The following PRLR variants were observed in gnomAD, a reference collection of about 807,000 sequenced individuals.
PRLR encodes the protein prolactin receptor, also known as hPRL receptor.
PRLR carries 13 observed loss-of-function variants against 40.2 expected under a neutral mutation model. That is an observed-to-expected ratio of 0.32 (90% confidence interval 0.21 to 0.51). The LOEUF (loss-of-function observed/expected upper bound fraction) is 0.51. Ranked by LOEUF, PRLR falls within the 20% of genes least tolerant of loss-of-function variation. The pLI, the probability that PRLR is intolerant of heterozygous loss-of-function variation, is 0.97. For synonymous variants in PRLR, 269 were observed against 278.7 expected, an observed-to-expected ratio of 0.97 and a Z score of 0.35; for missense variants, 656 against 747.3, an observed-to-expected ratio of 0.88 and a Z score of 1.42.
chr5:35,105,981 G>A (rs1366432120), intron 2 of PRLR, among the ~76,000 whole-genome samples: 2 of 152,226 alleles, frequency 1.3e-5, no homozygotes, highest in African/African-American at 2.4e-5. Context: ...AGAGAGAAAG[G>A]TTGGGTTACC....
chr5:35,107,548 C>T (rs747044508), intron 2 of PRLR, among the ~76,000 whole-genome samples: 45 of 152,160 alleles, frequency 3.0e-4, no homozygotes, highest in Non-Finnish European at 5.0e-4. Flanking sequence ...AGGGATATCA[C>T]CACCAATCCC....
chr5:35,111,966 A>G (rs965846968), intron 2 of PRLR, among the ~76,000 whole-genome samples: 4 of 152,224 alleles, frequency 2.6e-5, no homozygotes, highest in African/African-American at 9.6e-5. Flanking sequence ...ACACCACAAA[A>G]CAACTCCCAA....
In PRLR at chr5:35,123,867, G is replaced by C. The variant is rs550456417; in HGVS notation, c.-105-5745C>G. ...ATAGTATTTATGAGGCTTTAAACGT[G>C]GAAACTTGTCAGGGATTGGACCAAG... On this transcript the variant is annotated intron_variant, in intron 1 of 9. Coordinates refer to ENST00000618457, the MANE Select transcript of PRLR (RefSeq NM_000949.7). 3.9e-5 allele frequency among the ~76,000 whole-genome samples: 6 copies of C among 152,264 alleles called. No homozygotes were observed. The South Asian group carries it at 1.2e-3, about 32-fold the overall frequency.
At chr5:35,175,415 T>C (rs1775120361) in intron 1 of PRLR, among the ~76,000 whole-genome samples, 1 of 152,198 alleles carries the variant, frequency 6.6e-6, no homozygotes, top group African/African-American at 2.4e-5. Flanking sequence ...TACACCTGTT[T>C]CTTTTGTAAA....
At chr5:35,053,301 AAAT>A (rs1768568694), downstream of PRLR, among the ~76,000 whole-genome samples, 1 of 152,230 alleles carries the variant, frequency 6.6e-6, no homozygotes, top group Non-Finnish European at 1.5e-5. Context: ...GAAAACCTAC[AAAT>A]TATAAGAATG....
intron 1 of PRLR, among the ~76,000 whole-genome samples, chr5:35,160,147 C>G (rs1010432192): frequency 2.6e-5 from 4 of 152,162 alleles, no homozygotes; most frequent in African/African-American, 9.7e-5. Flanking sequence ...AGTCCACCAC[C>G]AAGCTAAAAA....
At chr5:35,228,033 T>C (rs1776594048) in intron 1 of PRLR, among the ~76,000 whole-genome samples, 1 of 152,140 alleles carries the variant, frequency 6.6e-6, no homozygotes. Flanking sequence ...CACTCCTTTT[T>C]GTGCATAACT....
intron 1 of PRLR, among the ~76,000 whole-genome samples, chr5:35,220,080 C>T (rs764851552): frequency 6.6e-6 from 1 of 152,164 alleles, no homozygotes; most frequent in African/African-American, 2.4e-5. Context: ...CCTACAAACC[C>T]TCTGCTTTCA....
At position 35,065,014 on chromosome 5, in the gene PRLR, T is replaced by C; in HGVS notation, c.*75A>G. The C allele has an allele frequency of 6.7e-7, 1 of 1,482,958 alleles. No homozygotes were observed. Among genetic ancestry groups the C allele is most frequent in the Non-Finnish European group, 9.1e-7 (1 of 1,096,408 alleles). 91.9% of individuals were successfully genotyped at this position (1,482,958 alleles called of 1,614,324 possible). On this transcript the variant is annotated 3_prime_UTR_variant, in exon 10 of 10. Transcript: ENST00000618457. Reference sequence around the variant, plus strand: ...AGTAGTGTCAGTCTGACTACATTCTTGAGCATTTCACGTACTCTGTAGTGT... The same window carrying C: ...AGTAGTGTCAGTCTGACTACATTCTCGAGCATTTCACGTACTCTGTAGTGT...
intron 1 of PRLR, among the ~76,000 whole-genome samples, chr5:35,210,912 A>C (rs1292204386): frequency 6.6e-6 from 1 of 152,090 alleles, no homozygotes; most frequent in African/African-American, 2.4e-5. Context: ...GCATTTCGCT[A>C]TGTTGCCCAG....
intron 1 of PRLR, among the ~76,000 whole-genome samples, chr5:35,211,239 T>G (rs932626007): frequency 6.6e-6 from 1 of 152,166 alleles, no homozygotes; most frequent in Non-Finnish European, 1.5e-5. Context: ...ACTTTCTCAA[T>G]TTCTCCCCCA....
chr5:35,136,692 C>A (rs955309125), intron 1 of PRLR, among the ~76,000 whole-genome samples: 2 of 152,110 alleles, frequency 1.3e-5, no homozygotes, highest in African/African-American at 4.8e-5. Flanking sequence ...TGACTACCTC[C>A]GCCCACCCTC....
chr5:35,180,516 G>T (rs1012353868), intron 1 of PRLR, among the ~76,000 whole-genome samples: 1 of 152,062 alleles, frequency 6.6e-6, no homozygotes, highest in Non-Finnish European at 1.5e-5. Context: ...CTGAACAGAT[G>T]CCAGTATCAT....
chr5:35,228,281 G>A (rs900331575), intron 1 of PRLR, among the ~76,000 whole-genome samples: 2 of 148,846 alleles, frequency 1.3e-5, no homozygotes, highest in Non-Finnish European at 3.0e-5. Context: ...GTGCTGACAG[G>A]AAAAGTGAAG....
chr5:35,183,567 C>G (rs1221645310), intron 1 of PRLR, among the ~76,000 whole-genome samples: 1 of 152,196 alleles, frequency 6.6e-6, no homozygotes, highest in Non-Finnish European at 1.5e-5. Flanking sequence ...TCCTGAGTCT[C>G]TCTCTCAATG....
chr5:35,113,405 CCA>C (rs1772804437), intron 2 of PRLR, among the ~76,000 whole-genome samples: 1 of 148,896 alleles, frequency 6.7e-6, no homozygotes, highest in Non-Finnish European at 1.5e-5. Flanking sequence ...ATCCATCCAT[CCA>C]TCCATCCATC....
chr5:35,074,414 A>G (rs771831568), intron 5 of PRLR, among the ~76,000 whole-genome samples: 8 of 151,684 alleles, frequency 5.3e-5, no homozygotes, highest in Non-Finnish European at 1.0e-4. Context: ...GTGAGCTGAG[A>G]TCGCACCATT....
At chr5:35,084,303 A>T (rs1770706366) in intron 5 of PRLR, among the ~76,000 whole-genome samples, 167 bp downstream of exon 5, 1 of 152,196 alleles carries the variant, frequency 6.6e-6, no homozygotes, top group Non-Finnish European at 1.5e-5. Flanking sequence ...GTCATGAATG[A>T]CTTGATAAAA....
intron 5 of PRLR, among the ~76,000 whole-genome samples, chr5:35,074,234 G>A (rs1445660140): frequency 6.6e-6 from 1 of 152,100 alleles, no homozygotes; most frequent in Non-Finnish European, 1.5e-5. Context: ...GCTGAGGCAG[G>A]TGGATCACCT....
Sources: gnomAD v4.1 joint callset for allele counts (sites outside exome capture counted in the v4.1 genomes callset) on GRCh38, gnomAD v4.1.1 for gene constraint, MANE v1.5 for transcripts, NCBI Gene and HGNC (gene_info 2026-07-23, HGNC 2026-07-21) for gene names.